The following FGF14 variants were observed in gnomAD, a reference collection of about 807,000 sequenced individuals.
FGF14 encodes the protein fibroblast growth factor homologous factor 4.
A neutral mutation model predicts 25.5 loss-of-function variants in FGF14; 5 were observed. That is an observed-to-expected ratio of 0.20 (90% CI 0.10 to 0.41). The LOEUF is 0.41. FGF14 is among the 10% of genes least tolerant of loss of function. The probability of loss-of-function intolerance (pLI) is 1.00; values close to 1 mark genes in which losing one functional copy is unlikely to be tolerated. For missense variants in FGF14, 222 were observed against 320.1 expected (o/e 0.69, Z 2.34); for synonymous variants, 138 against 118.3 (o/e 1.17, Z -1.08).
chr13:102,326,743 GA>G (rs1566939171), intron 1 of FGF14, among the ~76,000 whole-genome samples: 5 of 97,784 alleles, frequency 5.1e-5, no homozygotes, highest in African/African-American at 2.1e-4. Flanking sequence ...AGGAAGGAAG[GA>G]AGGAAGGAAA....
At chr13:101,851,319 C>T (rs980261061) in intron 3 of FGF14, among the ~76,000 whole-genome samples, 1 of 152,036 alleles carries the variant, frequency 6.6e-6, no homozygotes, top group African/African-American at 2.4e-5. Flanking sequence ...TGCCAGCAAA[C>T]TCAGCATGGG....
intron 1 of FGF14, among the ~76,000 whole-genome samples, chr13:102,073,175 C>A (rs914633169): frequency 6.6e-6 from 1 of 152,042 alleles, no homozygotes; most frequent in African/African-American, 2.4e-5. Flanking sequence ...TCATTTGAAC[C>A]CAGGAGGCAG....
At chr13:101,925,709 T>C (rs1474392376) in intron 1 of FGF14, among the ~76,000 whole-genome samples, 2 of 152,250 alleles carry the variant, frequency 1.3e-5, no homozygotes, top group Admixed American at 6.5e-5. Context: ...TCTTTCTCAG[T>C]AACCTACAGT....
At chr13:102,270,143 C>T (rs1252235281) in intron 1 of FGF14, among the ~76,000 whole-genome samples, 2 of 151,902 alleles carry the variant, frequency 1.3e-5, no homozygotes, top group African/African-American at 2.4e-5. Flanking sequence ...GTATTACATG[C>T]TGCTTCAAGA....
At chr13:101,918,127 G>A (rs1566434701), upstream of FGF14, among the ~76,000 whole-genome samples, 1 of 152,070 alleles carries the variant, frequency 6.6e-6, no homozygotes, top group Non-Finnish European at 1.5e-5. Context: ...TCTGTGTCCC[G>A]ACAGCGGTTC....
At chr13:101,757,780 T>C (rs1200419153) in intron 3 of FGF14, among the ~76,000 whole-genome samples, 1 of 152,182 alleles carries the variant, frequency 6.6e-6, no homozygotes, top group African/African-American at 2.4e-5. Context: ...GATGAAGAGA[T>C]ACAGATTATT....
chr13:102,222,923 C>T (rs1180879245), intron 1 of FGF14, among the ~76,000 whole-genome samples: 2 of 152,126 alleles, frequency 1.3e-5, no homozygotes, highest in African/African-American at 2.4e-5. Flanking sequence ...CAAGACCCTA[C>T]TTAGGAGAAA....
At chr13:101,958,707 T>G (rs1338955176) in intron 1 of FGF14, among the ~76,000 whole-genome samples, 1 of 152,234 alleles carries the variant, frequency 6.6e-6, no homozygotes, top group African/African-American at 2.4e-5. Context: ...GATATTCTCT[T>G]GTGTATAAAC....
chr13:101,967,515 A>T (rs2139509006), intron 1 of FGF14: 1 of 152,368 alleles, frequency 6.6e-6, no homozygotes, highest in East Asian at 1.9e-4. Context: ...AATTCCTTCT[A>T]ATGAATAACA....
At chr13:102,200,767 T>C (rs1284937637) in intron 1 of FGF14, among the ~76,000 whole-genome samples, 1 of 151,906 alleles carries the variant, frequency 6.6e-6, no homozygotes, top group East Asian at 1.9e-4. Flanking sequence ...GAGGGTGTCA[T>C]TGCAATGAAA....
intron 1 of FGF14, among the ~76,000 whole-genome samples, chr13:102,054,088 C>T (rs1390553768): frequency 6.6e-6 from 1 of 152,100 alleles, no homozygotes; most frequent in Admixed American, 6.5e-5. Flanking sequence ...TTTGCAGCAT[C>T]CTTAGGAACA....
intron 3 of FGF14, among the ~76,000 whole-genome samples, chr13:101,846,388 A>G (rs897478634): frequency 1.3e-5 from 2 of 152,028 alleles, no homozygotes; most frequent in African/African-American, 4.8e-5. Context: ...ATGTCAGCAT[A>G]TTAAGAGCTA....
intron 1 of FGF14, among the ~76,000 whole-genome samples, chr13:102,130,573 T>C (rs1198735316): frequency 6.6e-6 from 1 of 152,160 alleles, no homozygotes; most frequent in Non-Finnish European, 1.5e-5. Context: ...ACCCCCTTTG[T>C]CAGATAACTG....
intron 1 of FGF14, among the ~76,000 whole-genome samples, chr13:102,287,059 A>C (rs1566902621): frequency 6.6e-6 from 1 of 152,164 alleles, no homozygotes. Context: ...GCACACCAAC[A>C]TGGCACATGT....
chr13:102,401,888 C>A (rs2058709835), upstream of FGF14: 1 of 598,834 alleles, frequency 1.7e-6, no homozygotes. Context: ...CAACTGAGAT[C>A]AAAACTAATC....
intron 1 of FGF14, among the ~76,000 whole-genome samples, chr13:102,302,586 A>C (rs2055126134): frequency 6.6e-6 from 1 of 152,094 alleles, no homozygotes; most frequent in Non-Finnish European, 1.5e-5. Context: ...CTCCACTTAG[A>C]CATCTCTTAA....
At chr13:102,244,641 G>T (rs563393316) in intron 1 of FGF14, among the ~76,000 whole-genome samples, 37 of 152,072 alleles carry the variant, frequency 2.4e-4, no homozygotes, top group South Asian at 1.9e-3. Context: ...TTTTAATCAG[G>T]TGAAGATCAG....
At chr13:102,105,889 TATTA>T (rs1366737728) in intron 1 of FGF14, among the ~76,000 whole-genome samples, 2 of 152,346 alleles carry the variant, frequency 1.3e-5, no homozygotes, top group East Asian at 1.9e-4. Flanking sequence ...TGGCATTATC[TATTA>T]ATTATTATCA....
intron 1 of FGF14, among the ~76,000 whole-genome samples, chr13:102,015,575 TGGATA>T (rs1269887387): frequency 3.9e-5 from 6 of 152,204 alleles, no homozygotes; most frequent in Non-Finnish European, 8.8e-5. Context: ...AAGTGTTCAC[TGGATA>T]GGATATGTGG....
Sources: allele counts gnomAD v4.1 joint callset (sites outside exome capture counted in the v4.1 genomes callset), GRCh38; gene constraint gnomAD v4.1.1; transcripts MANE v1.5; gene names NCBI Gene and HGNC (gene_info 2026-07-23, HGNC 2026-07-21).